The following TMEM132B variants were observed in gnomAD, a reference collection of about 807,000 sequenced individuals.
TMEM132B encodes transmembrane protein 132B.
A neutral mutation model predicts 90.8 loss-of-function variants in TMEM132B; 18 were observed. That is an observed-to-expected ratio of 0.20 (90% confidence interval 0.14 to 0.29). The LOEUF (loss-of-function observed/expected upper bound fraction) is 0.29, where lower values mean the gene tolerates loss of function less well. Ranked by LOEUF, TMEM132B falls within the 10% of genes least tolerant of loss-of-function variation. The pLI, the probability that TMEM132B is intolerant of heterozygous loss-of-function variation, is 1.00. For missense variants in TMEM132B, 1,096 were observed against 1,326.8 expected (o/e 0.83, Z 2.70); for synonymous variants, 504 against 523.3 (o/e 0.96, Z 0.50).
At chr12:125,519,340 T>G in intron 3 of TMEM132B, 99 bp from the exon 4 acceptor site, 1 of 1,292,656 alleles carries the variant, frequency 7.7e-7, no homozygotes, top group Non-Finnish European at 1.1e-6. Flanking sequence ...GCAGTCATTC[T>G]TTTGGTTGAC....
At chr12:125,546,972 G>C (rs1477326536) in intron 4 of TMEM132B, among the ~76,000 whole-genome samples, 1 of 152,178 alleles carries the variant, frequency 6.6e-6, no homozygotes, top group African/African-American at 2.4e-5. Flanking sequence ...CAGCAGGGGA[G>C]AGAATGAGTG....
intron 1 of TMEM132B, among the ~76,000 whole-genome samples, chr12:125,317,066 G>A (rs1354973914): frequency 3.3e-5 from 5 of 152,086 alleles, no homozygotes; most frequent in African/African-American, 9.7e-5. Context: ...GGATAGTGCC[G>A]CCTTCCCAAC....
chr12:125,581,716 T>A (rs1216817168), intron 4 of TMEM132B, among the ~76,000 whole-genome samples: 1 of 149,090 alleles, frequency 6.7e-6, no homozygotes, highest in Non-Finnish European at 1.5e-5. Flanking sequence ...CTGTACTGAT[T>A]TTTTTTTTTT....
chr12:125,198,486 A>T (rs929501442), intron 1 of TMEM132B, among the ~76,000 whole-genome samples: 1 of 152,208 alleles, frequency 6.6e-6, no homozygotes, highest in African/African-American at 2.4e-5. Flanking sequence ...AACCAGCGGA[A>T]ATAGAATGTT....
intron 2 of TMEM132B, among the ~76,000 whole-genome samples, chr12:125,404,324 C>T (rs910880936): frequency 2.1e-4 from 32 of 152,082 alleles, no homozygotes; most frequent in African/African-American, 6.5e-4. Context: ...CTCTGGCAAA[C>T]GGAGACATTT....
intron 1 of TMEM132B, among the ~76,000 whole-genome samples, chr12:125,252,266 C>T (rs555669846): frequency 6.6e-6 from 1 of 152,326 alleles, no homozygotes; most frequent in African/African-American, 2.4e-5. Flanking sequence ...CTTTCCTGGG[C>T]TTTGCTTCCC....
chr12:125,329,911 T>TA (rs913565394), intron 1 of TMEM132B, among the ~76,000 whole-genome samples: 85 of 152,316 alleles, frequency 5.6e-4, no homozygotes, highest in Non-Finnish European at 8.2e-4. Flanking sequence ...ATGCGACAGA[T>TA]ACAGGCAAAA....
intron 1 of TMEM132B, among the ~76,000 whole-genome samples, chr12:125,286,982 C>T (rs574708842): frequency 7.9e-5 from 12 of 151,102 alleles, no homozygotes; most frequent in Admixed American, 1.3e-4. Context: ...GGATTACAGG[C>T]GTGAGCCACC....
intron 4 of TMEM132B, among the ~76,000 whole-genome samples, chr12:125,566,025 T>C (rs1015652532): frequency 1.3e-5 from 2 of 152,204 alleles, no homozygotes; most frequent in Non-Finnish European, 2.9e-5. Flanking sequence ...AGGAGTGCTG[T>C]GAGGAAGGTT....
intron 1 of TMEM132B, chr12:125,326,419 C>T (rs547688623): frequency 1.7e-5 from 11 of 628,886 alleles, no homozygotes; most frequent in South Asian, 1.7e-4. Context: ...AAGTCACTTG[C>T]CCTCCTTGTT....
chr12:125,611,999 G>T (rs1013808095), intron 5 of TMEM132B, among the ~76,000 whole-genome samples: 1 of 151,968 alleles, frequency 6.6e-6, no homozygotes, highest in African/African-American at 2.4e-5. Context: ...TGAAAGTTGG[G>T]AATTTAAGAC....
chr12:125,261,332 T>C (rs1007508931), intron 1 of TMEM132B, among the ~76,000 whole-genome samples: 1 of 152,222 alleles, frequency 6.6e-6, no homozygotes, highest in Non-Finnish European at 1.5e-5. Flanking sequence ...TCACTTTTCA[T>C]GGACCTGAAA....
chr12:125,624,009 C>T (rs1886172585), intron 5 of TMEM132B, among the ~76,000 whole-genome samples: 1 of 152,218 alleles, frequency 6.6e-6, no homozygotes, highest in African/African-American at 2.4e-5. Context: ...GAAAGCAGTG[C>T]AGTGATCCCC....
chr12:125,187,124 C>T (rs4073535), intron 1 of TMEM132B, among the ~76,000 whole-genome samples: 3,424 of 152,294 alleles, frequency 0.022, 51 homozygotes, highest in Admixed American at 0.034. Context: ...CAGACCGGGG[C>T]ACTCAGCCTC....
At chr12:125,233,758 C>T (rs1873873978) in intron 1 of TMEM132B, among the ~76,000 whole-genome samples, 2 of 152,156 alleles carry the variant, frequency 1.3e-5, no homozygotes, top group South Asian at 4.1e-4. Flanking sequence ...TGATTGGGCT[C>T]GTGGATGCAG....
At chr12:125,540,253 T>C (rs1321380609) in intron 4 of TMEM132B, among the ~76,000 whole-genome samples, 1 of 152,220 alleles carries the variant, frequency 6.6e-6, no homozygotes, top group Admixed American at 6.5e-5. Context: ...TCTTGATAAA[T>C]GCTCTGTGCA....
At chr12:125,484,228 T>G (rs1882138473) in intron 3 of TMEM132B, among the ~76,000 whole-genome samples, 1 of 152,216 alleles carries the variant, frequency 6.6e-6, no homozygotes, top group Non-Finnish European at 1.5e-5. Flanking sequence ...TTGGGTATTA[T>G]CTGCATAATC....
chr12:125,630,469 G>A (rs190624209), intron 5 of TMEM132B, among the ~76,000 whole-genome samples: 136 of 152,134 alleles, frequency 8.9e-4, no homozygotes, highest in African/African-American at 2.8e-3. Context: ...AATATCTGCA[G>A]TATCAGTTGT....
intron 1 of TMEM132B, among the ~76,000 whole-genome samples, chr12:125,252,334 G>A (rs1433355576): frequency 1.3e-5 from 2 of 152,088 alleles, no homozygotes; most frequent in Non-Finnish European, 2.9e-5. Flanking sequence ...CCAGGCCTCC[G>A]GTTCCCACGG....
Sources: gnomAD v4.1 joint callset for allele counts (sites outside exome capture counted in the v4.1 genomes callset) on GRCh38, gnomAD v4.1.1 for gene constraint, MANE v1.5 for transcripts, NCBI Gene and HGNC (gene_info 2026-07-23, HGNC 2026-07-21) for gene names.